SORCS1: variants seen among roughly 807,000 people sequenced by gnomAD.
The protein encoded by SORCS1 is VPS10 domain-containing receptor SorCS1.
Under a neutral mutation model 146.1 loss-of-function variants are expected in SORCS1, and 60 were observed. That is an observed-to-expected ratio of 0.41 (90% CI 0.33 to 0.51). The LOEUF (loss-of-function observed/expected upper bound fraction) is 0.51, where lower values mean the gene tolerates loss of function less well. Among genes scored for constraint, SORCS1 ranks in the 20% least tolerant of loss-of-function variants. SORCS1 has a pLI of 0.21. For missense variants in SORCS1, 1,352 were observed against 1,487.6 expected, an observed-to-expected ratio of 0.91 and a Z score of 1.50; for synonymous variants, 637 against 584.0, an observed-to-expected ratio of 1.09 and a Z score of -1.31.
chr10:106,987,078 C>A (rs550641914), intron 1 of SORCS1, among the ~76,000 whole-genome samples: 2 of 152,272 alleles, frequency 1.3e-5, no homozygotes, highest in Non-Finnish European at 2.9e-5. Context: ...TGGATCTTTT[C>A]TTCTTCTGAA....
chr10:106,951,920 C>A (rs1027127740), intron 2 of SORCS1, among the ~76,000 whole-genome samples: 1 of 152,098 alleles, frequency 6.6e-6, no homozygotes, highest in African/African-American at 2.4e-5. Flanking sequence ...AGGAATTGGC[C>A]CTTCCTGTCT....
chr10:107,138,293 C>A lies in SORCS1; in HGVS notation c.558+25676G>T, dbSNP rs184171393. 1.2e-3 allele frequency among the ~76,000 whole-genome samples: 177 copies of A among 152,296 alleles called. 2 individuals carry two copies. Among genetic ancestry groups the A allele is most frequent in the Middle Eastern group, 0.01 (3 of 294 alleles). ...ACTTAAAATATTTACTGGCTCCCCA[C>A]CTGTACATAAGAGAAAGACAATACT... On this transcript the variant is annotated intron_variant, in intron 1 of 25. Coordinates refer to ENST00000263054, the MANE Select transcript of SORCS1 (RefSeq NM_052918.5).
At chr10:106,680,368 G>C (rs1056744223) in intron 10 of SORCS1, among the ~76,000 whole-genome samples, 2 of 152,188 alleles carry the variant, frequency 1.3e-5, no homozygotes, top group Admixed American at 1.3e-4. Context: ...TTTTGAAAAA[G>C]TAGGTTGGCA....
At chr10:107,059,563 T>C (rs577216703) in intron 1 of SORCS1, among the ~76,000 whole-genome samples, 1 of 152,162 alleles carries the variant, frequency 6.6e-6, no homozygotes, top group African/African-American at 2.4e-5. Context: ...TGGGAGGTCA[T>C]AAGTGACAAC....
At chr10:106,988,468 G>GA (rs1418750571) in intron 1 of SORCS1, among the ~76,000 whole-genome samples, 2 of 152,044 alleles carry the variant, frequency 1.3e-5, no homozygotes, top group Non-Finnish European at 2.9e-5. Flanking sequence ...CTTAGCGTCT[G>GA]AAAAAATCTG....
At chr10:106,649,173 C>T (rs1849676282) in intron 18 of SORCS1, among the ~76,000 whole-genome samples, 2 of 152,204 alleles carry the variant, frequency 1.3e-5, no homozygotes, top group Admixed American at 1.3e-4. Flanking sequence ...AGAAAGCCGT[C>T]TGTCCTTGCG....
intron 13 of SORCS1, 97 bp downstream of exon 13, chr10:106,677,216 T>C (rs1442577999): frequency 3.4e-6 from 4 of 1,172,026 alleles, no homozygotes; most frequent in Non-Finnish European, 5.0e-6. Context: ...ACAGATTTAC[T>C]ACAGAAACAG....
intron 1 of SORCS1, among the ~76,000 whole-genome samples, chr10:107,066,512 G>T (rs1961870252): frequency 6.6e-6 from 1 of 152,112 alleles, no homozygotes; most frequent in African/African-American, 2.4e-5. Flanking sequence ...GCCGCCATCT[G>T]CTACAAGGCT....
intron 1 of SORCS1, among the ~76,000 whole-genome samples, chr10:106,972,030 T>C (rs1336169759): frequency 1.3e-5 from 2 of 152,152 alleles, no homozygotes; most frequent in African/African-American, 4.8e-5. Context: ...CTTTAGTTAA[T>C]TCATTTAACC....
intron 1 of SORCS1, among the ~76,000 whole-genome samples, chr10:107,137,682 G>C (rs931427398): frequency 1.3e-5 from 2 of 152,034 alleles, no homozygotes; most frequent in Non-Finnish European, 2.9e-5. Flanking sequence ...GACCAACATG[G>C]AGAAACGCCA....
At chr10:106,973,780 T>G (rs1272202360) in intron 1 of SORCS1, among the ~76,000 whole-genome samples, 1 of 152,224 alleles carries the variant, frequency 6.6e-6, no homozygotes, top group African/African-American at 2.4e-5. Context: ...AGAATTAGCA[T>G]GGAATGAATA....
the SORCS1 span, among the ~76,000 whole-genome samples, chr10:107,179,088 T>A: frequency 6.6e-6 from 1 of 152,170 alleles, no homozygotes; most frequent in Admixed American, 6.5e-5. Flanking sequence ...CTACAGCCTA[T>A]GAGAGCTCCC....
chr10:106,958,276 T>A (rs1382328543), intron 1 of SORCS1, among the ~76,000 whole-genome samples: 5 of 152,230 alleles, frequency 3.3e-5, no homozygotes, highest in African/African-American at 1.2e-4. Flanking sequence ...CTAGAACATT[T>A]GGCCCAGCCC....
chr10:106,620,539 C>G lies in SORCS1; in HGVS notation c.2685G>C (p.Leu895=), dbSNP rs1459306115. 1 of 1,614,018 alleles carries G rather than the reference C, an allele frequency of 6.2e-7. No homozygotes were observed. Among genetic ancestry groups the G allele is most frequent in the Non-Finnish European group, 8.5e-7 (1 of 1,179,916 alleles). The change falls in exon 20 of 26, where the codon CTG becomes CTC. Residue 895 remains leucine (L), a synonymous_variant. Transcript: ENST00000263054. ...HVTCPLEHVH[L]SLPFVTTKNK... Reference sequence around the variant, plus strand: ...TCTTTGTGGTGACAAAGGGAAGAGACAGGTGCACGTGCTCCAAGGGACCTG... The same window carrying G: ...TCTTTGTGGTGACAAAGGGAAGAGAGAGGTGCACGTGCTCCAAGGGACCTG...
At chr10:106,636,089 T>G (rs1298049943) in intron 18 of SORCS1, among the ~76,000 whole-genome samples, 2 of 152,102 alleles carry the variant, frequency 1.3e-5, no homozygotes, top group East Asian at 3.9e-4. Context: ...GTATACAAAG[T>G]GAGAGTGCAA....
At chr10:106,810,262 C>T (rs540688519) in intron 3 of SORCS1, among the ~76,000 whole-genome samples, 1 of 152,190 alleles carries the variant, frequency 6.6e-6, no homozygotes, top group South Asian at 2.1e-4. Flanking sequence ...AGGCAGTAGC[C>T]CACTAGTCCA....
At chr10:106,999,453 G>C (rs1160260581) in intron 1 of SORCS1, among the ~76,000 whole-genome samples, 3 of 152,172 alleles carry the variant, frequency 2.0e-5, no homozygotes, top group Non-Finnish European at 2.9e-5. Flanking sequence ...AAGATGCATG[G>C]TTGCTATTAC....
chr10:107,149,566 T>G (rs1016220368), intron 1 of SORCS1, among the ~76,000 whole-genome samples: 2 of 152,206 alleles, frequency 1.3e-5, no homozygotes, highest in African/African-American at 4.8e-5. Context: ...CAGATTTAAC[T>G]GTGAAGAGAG....
intron 1 of SORCS1, among the ~76,000 whole-genome samples, chr10:107,100,573 A>C (rs1187217360): frequency 6.6e-6 from 1 of 152,174 alleles, no homozygotes; most frequent in African/African-American, 2.4e-5. Context: ...AGTCAAAGCT[A>C]TCTTGTATCT....
Sources: gnomAD v4.1 joint callset for allele counts (sites outside exome capture counted in the v4.1 genomes callset) on GRCh38, gnomAD v4.1.1 for gene constraint, MANE v1.5 for transcripts, NCBI Gene and HGNC (gene_info 2026-07-23, HGNC 2026-07-21) for gene names.